ANXA8: variants seen among roughly 807,000 people sequenced by gnomAD.
ANXA8 encodes the protein annexin A8.
ANXA8 carries 9 observed loss-of-function variants against 26.8 expected under a neutral mutation model. That is an observed-to-expected ratio of 0.34 (90% CI 0.20 to 0.59). The LOEUF (loss-of-function observed/expected upper bound fraction) is 0.59, where lower values mean the gene tolerates loss of function less well. Among genes scored for constraint, ANXA8 ranks in the 20% least tolerant of loss-of-function variants. The probability of loss-of-function intolerance (pLI) is 0.84; values close to 1 mark genes in which losing one functional copy is unlikely to be tolerated. For synonymous variants in ANXA8, 39 were observed against 94.8 expected (o/e 0.41, Z 3.42); for missense variants, 83 against 238.5 (o/e 0.35, Z 4.29).
At chr10:47,707,184 AC>A in the ANXA8 span, among the ~76,000 whole-genome samples, 1 of 142,930 alleles carries the variant, frequency 7.0e-6, no homozygotes. Flanking sequence ...ACAAAAAAAA[AC>A]AAAAAAAAGA....
chr10:47,894,397 AC>A, the ANXA8 span, among the ~76,000 whole-genome samples: 1 of 140,168 alleles, frequency 7.1e-6, no homozygotes, highest in Non-Finnish European at 1.5e-5. Context: ...CACACCACAC[AC>A]ACACACCACC....
chr10:47,576,746 C>T, the ANXA8 span, among the ~76,000 whole-genome samples: 1 of 150,500 alleles, frequency 6.6e-6, no homozygotes, highest in Non-Finnish European at 1.5e-5. Flanking sequence ...TCTTGAACTC[C>T]CAGGCTCAAA....
At chr10:47,506,393 A>C in the ANXA8 span, among the ~76,000 whole-genome samples, 38 of 132,408 alleles carry the variant, frequency 2.9e-4, no homozygotes, top group East Asian at 1.6e-3. Flanking sequence ...TGCAATGGCA[A>C]GATCTCGGCT....
chr10:47,982,961 C>A, the ANXA8 span, among the ~76,000 whole-genome samples: 1 of 119,004 alleles, frequency 8.4e-6, no homozygotes, highest in Non-Finnish European at 1.8e-5. Flanking sequence ...AAGATATACT[C>A]ATGATCAAAA....
the ANXA8 span, among the ~76,000 whole-genome samples, chr10:47,576,761 C>A: frequency 6.6e-6 from 1 of 150,686 alleles, no homozygotes; most frequent in South Asian, 2.1e-4. Flanking sequence ...CTCAAACAAT[C>A]CTCCCACCTC....
At chr10:47,916,569 G>A in the ANXA8 span, among the ~76,000 whole-genome samples, 2 of 130,964 alleles carry the variant, frequency 1.5e-5, no homozygotes, top group African/African-American at 5.2e-5. Flanking sequence ...CTTCTTTGAG[G>A]CTCAGTTTTC....
At chr10:47,947,947 T>TG in the ANXA8 span, among the ~76,000 whole-genome samples, 16 of 150,954 alleles carry the variant, frequency 1.1e-4, 1 homozygote, top group Non-Finnish European at 1.8e-4. Flanking sequence ...ATGTGGGACA[T>TG]GGGGGGGACC....
chr10:47,662,558 TA>T, the ANXA8 span, among the ~76,000 whole-genome samples: 1 of 150,318 alleles, frequency 6.7e-6, no homozygotes, highest in African/African-American at 2.4e-5. Flanking sequence ...CCTATTTTAT[TA>T]CACAGTTTAC....
At chr10:47,670,660 TC>T in the ANXA8 span, among the ~76,000 whole-genome samples, 24 of 151,976 alleles carry the variant, frequency 1.6e-4, no homozygotes, top group African/African-American at 5.1e-4. Flanking sequence ...TTGTATATCT[TC>T]TTTGGAGAAA....
the ANXA8 span, among the ~76,000 whole-genome samples, chr10:47,977,307 C>G: frequency 6.7e-6 from 1 of 149,176 alleles, no homozygotes; most frequent in Non-Finnish European, 1.5e-5. Context: ...CAACAACAAA[C>G]AGAAGCAACA....
At chr10:47,978,304 T>TA in the ANXA8 span, among the ~76,000 whole-genome samples, 4 of 150,044 alleles carry the variant, frequency 2.7e-5, no homozygotes, top group African/African-American at 9.7e-5. Context: ...CAAGAAATAC[T>TA]AAAAGGAGTC....
the ANXA8 span, among the ~76,000 whole-genome samples, chr10:47,988,739 G>A: frequency 2.0e-5 from 3 of 151,194 alleles, no homozygotes; most frequent in African/African-American, 7.3e-5. Context: ...AGCCTAAGGG[G>A]GCCCAGAGAG....
At chr10:47,659,392 G>A in the ANXA8 span, among the ~76,000 whole-genome samples, 157 of 151,780 alleles carry the variant, frequency 1.0e-3, no homozygotes, top group African/African-American at 3.6e-3. Flanking sequence ...ACTTAAGAGT[G>A]TTTTAGGCCG....
chr10:47,706,008 G>GC, the ANXA8 span, among the ~76,000 whole-genome samples: 4 of 151,790 alleles, frequency 2.6e-5, no homozygotes, highest in Admixed American at 6.6e-5. Flanking sequence ...TGTTGTGGGG[G>GC]GGGAGGGGCG....
chr10:47,768,201 A>G, the ANXA8 span, among the ~76,000 whole-genome samples: 1 of 151,386 alleles, frequency 6.6e-6, no homozygotes, highest in Non-Finnish European at 1.5e-5. Flanking sequence ...TTTGTGGCAA[A>G]CAACAATTAA....
the ANXA8 span, among the ~76,000 whole-genome samples, chr10:47,528,427 T>C: frequency 0.042 from 5,182 of 121,986 alleles, 190 homozygotes; most frequent in East Asian, 0.2. Context: ...ATATTATGTA[T>C]AGAAAAGTCT....
At chr10:47,907,300 T>A in the ANXA8 span, among the ~76,000 whole-genome samples, 3 of 152,104 alleles carry the variant, frequency 2.0e-5, no homozygotes, top group Non-Finnish European at 2.9e-5. Context: ...GAGCTTGCAG[T>A]GAGCCGAGAT....
the ANXA8 span, among the ~76,000 whole-genome samples, chr10:47,982,827 T>TATATATATAA: frequency 2.8e-5 from 2 of 70,784 alleles, no homozygotes; most frequent in Non-Finnish European, 5.8e-5. Context: ...TATATATATA[T>TATATATATAA]ATATATAAAA....
chr10:47,967,434 T>C, the ANXA8 span, among the ~76,000 whole-genome samples: 1 of 143,818 alleles, frequency 7.0e-6, no homozygotes, highest in African/African-American at 2.6e-5. Flanking sequence ...TAGTTTTCTG[T>C]TATTTACTTT....
Sources: allele counts gnomAD v4.1 joint callset (sites outside exome capture counted in the v4.1 genomes callset), GRCh38; gene constraint gnomAD v4.1.1; transcripts MANE v1.5; gene names NCBI Gene and HGNC (gene_info 2026-07-23, HGNC 2026-07-21).